Variants in KPNA4 observed in about 807,000 individuals in gnomAD.
The protein encoded by KPNA4 is importin subunit alpha-3.
A neutral mutation model predicts 71.3 loss-of-function variants in KPNA4; 13 were observed. The observed-to-expected ratio is 0.18, with a 90% confidence interval of 0.12 to 0.29. The LOEUF is 0.29. KPNA4 is among the 10% of genes least tolerant of loss of function. KPNA4 has a pLI of 1.00. For synonymous variants in KPNA4, 189 were observed against 195.2 expected (o/e 0.97, Z 0.26); for missense variants, 334 against 603.2 (o/e 0.55, Z 4.67).
intron 7 of KPNA4, among the ~76,000 whole-genome samples, chr3:160,528,808 T>C (rs914240794): frequency 6.6e-6 from 1 of 152,218 alleles, no homozygotes; most frequent in South Asian, 2.1e-4. Context: ...TAGGTCTGTA[T>C]CTGAACAAAA....
In KPNA4 at chr3:160,495,238, G is replaced by A. The variant is rs1422135701; in HGVS notation, c.*6866C>T. ...AATGAGGGTTAATGGGGATGGCAAG[G>A]ATGATAGGTAGGCCTGGATATACTC... On this transcript the variant is annotated 3_prime_UTR_variant, in exon 17 of 17. Coordinates refer to ENST00000334256, the MANE Select transcript of KPNA4 (RefSeq NM_002268.5). 1 of 152,214 alleles carries A rather than the reference G, an allele frequency of 6.6e-6. No individual in the cohort carries two copies. Among genetic ancestry groups the A allele is most frequent in the African/African-American group, 2.4e-5 (1 of 41,442 alleles). The allele number at this position is 152,214 out of a possible 1,614,324, so 9.4% of individuals were successfully genotyped here.
chr3:160,541,635 A>G (rs1204643667), intron 1 of KPNA4, among the ~76,000 whole-genome samples: 1 of 135,910 alleles, frequency 7.4e-6, no homozygotes, highest in Non-Finnish European at 1.6e-5. Context: ...GCGGTTTTTA[A>G]AAGTTATATA....
Position 160,525,820 on chromosome 3 carries a change from T to C in KPNA4, c.751A>G (p.Ile251Val). 2 of 1,570,034 alleles carry C rather than the reference T, an allele frequency of 1.3e-6. No homozygotes were observed. The highest frequency in any genetic ancestry group is 1.7e-6 in the Non-Finnish European group (2 of 1,158,106). Residue 251 changes from isoleucine (I) to valine (V), a missense_variant, in exon 10 of 17, where the codon ATT becomes GTT. Coordinates refer to ENST00000334256, the MANE Select transcript of KPNA4 (RefSeq NM_002268.5). ...QEILPALCVL[I>V]HHTDVNILVD... Reference sequence around the variant, plus strand: ...CTCACATTTACATCTGTGTGATGAATTAAAACACAAAGGGCTGGAAGAATC... The same window carrying C: ...CTCACATTTACATCTGTGTGATGAACTAAAACACAAAGGGCTGGAAGAATC...
At chr3:160,532,631 A>C (rs534381871) in intron 5 of KPNA4, among the ~76,000 whole-genome samples, 1 of 152,328 alleles carries the variant, frequency 6.6e-6, no homozygotes, top group South Asian at 2.1e-4. Context: ...GTGTGGCCTA[A>C]TCATATCTTT....
chr3:160,547,542 C>T (rs1461658562), intron 1 of KPNA4, among the ~76,000 whole-genome samples: 1 of 152,112 alleles, frequency 6.6e-6, no homozygotes, highest in Non-Finnish European at 1.5e-5. Context: ...CAGAATGGTA[C>T]ATTTGTTACA....
chr3:160,565,474 C>G lies in KPNA4; in HGVS notation c.-192G>C. On this transcript the variant is annotated 5_prime_UTR_variant, in exon 1 of 17. Coordinates refer to ENST00000334256, the MANE Select transcript of KPNA4 (RefSeq NM_002268.5). ...CCCGCCCGCCCCCCCGCCCTAACCC[C>G]AGCGCGACTGCAGCTCCGGCAAAGA... 1.8e-6 allele frequency: 1 copy of G among 568,136 alleles called. No individual in the cohort carries two copies. Among genetic ancestry groups the G allele is most frequent in the Non-Finnish European group, 3.1e-6 (1 of 323,920 alleles). 35.2% of individuals were successfully genotyped at this position (568,136 alleles called of 1,614,324 possible).
chr3:160,565,374 G>C lies in KPNA4; in HGVS notation c.-92C>G. 1 of 1,062,366 alleles carries C rather than the reference G, an allele frequency of 9.4e-7. No individual in the cohort carries two copies. Among genetic ancestry groups the C allele is most frequent in the Admixed American group, 2.1e-5 (1 of 48,556 alleles). 65.8% of individuals were successfully genotyped at this position (1,062,366 alleles called of 1,614,324 possible). On this transcript the variant is annotated 5_prime_UTR_variant, in exon 1 of 17. Coordinates refer to ENST00000334256, the MANE Select transcript of KPNA4 (RefSeq NM_002268.5). ...CGACACTCCCAGGAACCGGGCCGCC[G>C]CCTGAGCTGCTGTGCCCGCCGCGCC...
At chr3:160,544,154 G>A (rs1039029007) in intron 1 of KPNA4, among the ~76,000 whole-genome samples, 3 of 152,162 alleles carry the variant, frequency 2.0e-5, no homozygotes, top group African/African-American at 7.2e-5. Context: ...CACTGTGCCC[G>A]GCCTCCTTGA....
intron 1 of KPNA4, among the ~76,000 whole-genome samples, chr3:160,560,205 G>C (rs78686561): frequency 0.02 from 3,115 of 152,188 alleles, 51 homozygotes; most frequent in African/African-American, 0.032. Flanking sequence ...AGTACAAAAA[G>C]AACAGACTCT....
rs557946352 is a variant in KPNA4 at position 160,565,457 on chromosome 3, C to A, written c.-175G>T. The A allele has an allele frequency of 6.8e-6, 4 of 586,008 alleles. No individual in the cohort carries two copies. Among genetic ancestry groups the A allele is most frequent in the Admixed American group, 3.1e-5 (1 of 32,566 alleles). The allele number at this position is 586,008 out of a possible 1,614,324, so 36.3% of individuals were successfully genotyped here. On this transcript the variant is annotated 5_prime_UTR_variant, in exon 1 of 17. Coordinates refer to ENST00000334256, the MANE Select transcript of KPNA4 (RefSeq NM_002268.5). ...CGCGGCCTTCTCCTCTCCCCGCCCG[C>A]CCCCCCGCCCTAACCCCAGCGCGAC...
At chr3:160,530,096 C>T (rs1245529183) in intron 7 of KPNA4, among the ~76,000 whole-genome samples, 4 of 140,344 alleles carry the variant, frequency 2.9e-5, no homozygotes, top group African/African-American at 5.4e-5. Flanking sequence ...GATCGCATCA[C>T]TGCACTCCAG....
intron 11 of KPNA4, among the ~76,000 whole-genome samples, chr3:160,519,780 C>T (rs375960113): frequency 4.2e-5 from 5 of 120,010 alleles, no homozygotes; most frequent in Non-Finnish European, 6.4e-5. Flanking sequence ...CCGGCCTGGG[C>T]GACAGAGCGA....
chr3:160,514,102 G>T lies in KPNA4; in HGVS notation c.1112C>A (p.Pro371Gln). The T allele has an allele frequency of 6.3e-7, 1 of 1,579,936 alleles. No homozygotes were observed. The highest frequency in any genetic ancestry group is 1.2e-5 in the South Asian group (1 of 84,486). The change falls in exon 13 of 17, where the codon CCA (proline) becomes CAA (glutamine). Residue 371 changes from proline (P) to glutamine (Q), a missense_variant. Coordinates refer to ENST00000334256, the MANE Select transcript of KPNA4 (RefSeq NM_002268.5). The part of the protein sequence containing the change: ...VQAVIDANLV[P>Q]MIIHLLDKGD... ...CTTATCCAAAAGGTGTATTATCATT[G>T]GTACAAGATTGGCATCAATTACTGC...
At chr3:160,528,197 G>A (rs1721499571) in intron 7 of KPNA4, among the ~76,000 whole-genome samples, 158 bp from the exon 8 acceptor site, 1 of 152,060 alleles carries the variant, frequency 6.6e-6, no homozygotes, top group Non-Finnish European at 1.5e-5. Flanking sequence ...AGCATCATTG[G>A]AAGAATTTTG....
At chr3:160,520,513 G>A (rs1040433530) in intron 11 of KPNA4, among the ~76,000 whole-genome samples, 10 of 151,126 alleles carry the variant, frequency 6.6e-5, no homozygotes, top group Non-Finnish European at 1.3e-4. Flanking sequence ...TGCCCACCTC[G>A]GCCTCCCAAA....
intron 1 of KPNA4, among the ~76,000 whole-genome samples, chr3:160,556,862 A>G (rs1722147432): frequency 6.6e-6 from 1 of 152,254 alleles, no homozygotes; most frequent in African/African-American, 2.4e-5. Context: ...CAATGAACCC[A>G]ATTCTATAGA....
intron 15 of KPNA4, among the ~76,000 whole-genome samples, chr3:160,506,807 T>C (rs554846480): frequency 1.3e-5 from 2 of 152,388 alleles, no homozygotes; most frequent in African/African-American, 4.8e-5. Flanking sequence ...TCCCCATCTC[T>C]TGTTCCTAAC....
At position 160,536,000 on chromosome 3, in the gene KPNA4, A is replaced by G. The variant is rs1721685885; in HGVS notation, c.115-103T>C. The G allele has an allele frequency of 4.4e-6, 4 of 903,400 alleles. No individual in the cohort carries two copies. The South Asian group carries it at 1.7e-4, about 38-fold the overall frequency. The allele number at this position is 903,400 out of a possible 1,614,324, so 56.0% of individuals were successfully genotyped here. A position where few individuals can be genotyped will look rare whatever the true frequency, so the allele number is the denominator to read the frequency against. Reference sequence around the variant, plus strand: ...AGCTCAGGCAATCCTGTGCCTAAAAACTGAAATATGAAGTGCCTTTTAAAA... The same window carrying G: ...AGCTCAGGCAATCCTGTGCCTAAAAGCTGAAATATGAAGTGCCTTTTAAAA... On this transcript the variant is annotated intron_variant, in intron 2 of 16. Transcript: ENST00000334256.
chr3:160,496,204 C>T lies in KPNA4; in HGVS notation c.*5900G>A, dbSNP rs1019207218. ...TCAGGAGGCTGAGGCAGGAGAATCG[C>T]TTGAACCTAGGAGGTGGAGGTTGCA... is the stretch of plus-strand genomic sequence containing the variant. On this transcript the variant is annotated 3_prime_UTR_variant, in exon 17 of 17. Transcript: ENST00000334256. 6 of 152,474 alleles carry T rather than the reference C, an allele frequency of 3.9e-5. No individual in the cohort carries two copies. Among genetic ancestry groups the T allele is most frequent in the African/African-American group, 1.4e-4 (6 of 41,406 alleles). 9.4% of individuals were successfully genotyped at this position (152,474 alleles called of 1,614,324 possible). A position where few individuals can be genotyped will look rare whatever the true frequency, so the allele number is the denominator to read the frequency against.
Sources: gnomAD v4.1 joint callset for allele counts (sites outside exome capture counted in the v4.1 genomes callset) on GRCh38, gnomAD v4.1.1 for gene constraint, MANE v1.5 for transcripts, NCBI Gene and HGNC (gene_info 2026-07-23, HGNC 2026-07-21) for gene names.